MSANTD4: variants seen among roughly 807,000 people sequenced by gnomAD.
MSANTD4 encodes the protein myb/SANT-like DNA-binding domain-containing protein 4.
In MSANTD4, 13 loss-of-function variants were observed where a neutral mutation model predicts 34.3. The observed-to-expected ratio is 0.38, with a 90% CI of 0.25 to 0.60. The LOEUF (loss-of-function observed/expected upper bound fraction) is 0.60. MSANTD4 is among the 20% of genes least tolerant of loss of function. The pLI, the probability that MSANTD4 is intolerant of heterozygous loss-of-function variation, is 0.63. For synonymous variants in MSANTD4, 137 were observed against 145.2 expected, an observed-to-expected ratio of 0.94 and a Z score of 0.41; for missense variants, 358 against 401.8, an observed-to-expected ratio of 0.89 and a Z score of 0.93.
At chr11:106,020,434 G>A (rs1307002459) in intron 1 of MSANTD4, among the ~76,000 whole-genome samples, 2 of 152,132 alleles carry the variant, frequency 1.3e-5, no homozygotes, top group African/African-American at 2.4e-5. Flanking sequence ...TGGAAGAACT[G>A]TTACTGTAGT....
rs145920469 is a variant in MSANTD4 at position 106,020,324 on chromosome 11, G to A, written c.-151+638C>T. Among the ~76,000 whole-genome samples the A allele has an allele frequency of 1.3e-4, 20 of 152,288 alleles. No homozygotes were observed. The East Asian group carries it at 3.7e-3, about 28-fold the overall frequency. On this transcript the variant is annotated intron_variant, in intron 1 of 2. Transcript: ENST00000301919. ...TGCCAAGCAGCAAATCTTACTAAGC[G>A]AATTCTGGCTTAATAAGACTATTAT...
intron 1 of MSANTD4, among the ~76,000 whole-genome samples, chr11:106,018,116 G>A (rs185616280): frequency 1.8e-4 from 28 of 152,160 alleles, no homozygotes; most frequent in African/African-American, 6.0e-4. Flanking sequence ...AGTGATCCCA[G>A]TGAAGTAAAA....
At chr11:106,020,270 C>T (rs1859988561) in intron 1 of MSANTD4, among the ~76,000 whole-genome samples, 1 of 152,070 alleles carries the variant, frequency 6.6e-6, no homozygotes, top group Non-Finnish European at 1.5e-5. Context: ...AAAGAAGTAT[C>T]AGGAATTAAA....
intron 1 of MSANTD4, among the ~76,000 whole-genome samples, chr11:106,017,606 G>A (rs751756549): frequency 1.3e-5 from 2 of 152,050 alleles, no homozygotes; most frequent in African/African-American, 2.4e-5. Context: ...GCAATTTCTT[G>A]AAATTCTTTC....
intron 1 of MSANTD4, among the ~76,000 whole-genome samples, chr11:106,011,433 G>GA (rs1859686654): frequency 6.6e-6 from 1 of 152,108 alleles, no homozygotes; most frequent in African/African-American, 2.4e-5. Context: ...CTTCTGCCTG[G>GA]AAAATGGATT....
chr11:106,014,893 A>C (rs1859802410), intron 1 of MSANTD4, among the ~76,000 whole-genome samples: 1 of 151,928 alleles, frequency 6.6e-6, no homozygotes. Flanking sequence ...AACTCTCAAG[A>C]AATCACTGTC....
chr11:106,018,289 A>G (rs1219036137), intron 1 of MSANTD4, among the ~76,000 whole-genome samples: 3 of 152,176 alleles, frequency 2.0e-5, no homozygotes, highest in Non-Finnish European at 4.4e-5. Flanking sequence ...TTACAGTTAC[A>G]ACATACCTCA....
In MSANTD4 at chr11:106,010,558, A is replaced by T. The variant is rs749942254; in HGVS notation, c.360T>A (p.Asp120Glu). The change falls in exon 2 of 3, where the codon GAT becomes GAA. Residue 120 changes from aspartate to glutamate, a missense_variant. By Grantham distance (45) the Asp-to-Glu change is conservative (BLOSUM62 2). Coordinates refer to ENST00000301919, the MANE Select transcript of MSANTD4 (RefSeq NM_032424.3). ...CCACATTTTGCCAGTCAAAATTTGC[A>T]TCATTTCGGAATCCAATCTTTTCAT... ...EIDEKIGFRN[D>E]ANFDWQNVAD... The T allele has an allele frequency of 6.2e-7, 1 of 1,614,140 alleles. No individual in the cohort carries two copies. Among genetic ancestry groups the T allele is most frequent in the East Asian group, 2.2e-5 (1 of 44,874 alleles).
Position 106,011,053 on chromosome 11 carries a change from C to A in MSANTD4, c.-136G>T. 7.1e-7 allele frequency: 1 copy of A among 1,400,650 alleles called. No individual in the cohort carries two copies. The highest frequency in any genetic ancestry group is 2.5e-5 in the East Asian group (1 of 39,444). The allele number at this position is 1,400,650 out of a possible 1,614,324, so 86.8% of individuals were successfully genotyped here. ...GTCTTCCATTCATCTAGTGGCAAGG[C>A]AGTCTGGATAATTCCTAAAAGGAAA... On this transcript the variant is annotated 5_prime_UTR_variant, in exon 2 of 3. Transcript: ENST00000301919.
intron 1 of MSANTD4, 73 bp from the exon 2 acceptor site, chr11:106,011,140 T>A (rs751861622): frequency 5.9e-6 from 4 of 672,570 alleles, no homozygotes; most frequent in Non-Finnish European, 9.0e-6. Flanking sequence ...ATGAACTATA[T>A]AATTTTTAAG....
intron 1 of MSANTD4, among the ~76,000 whole-genome samples, chr11:106,020,528 G>C (rs147047051): frequency 2.0e-5 from 3 of 152,094 alleles, no homozygotes; most frequent in Non-Finnish European, 2.9e-5. Flanking sequence ...GATATCCACC[G>C]TAAGATTTTG....
Position 106,010,081 on chromosome 11 carries a change from C to A in MSANTD4, c.492G>T (p.Leu164Phe). The change falls in exon 3 of 3, where the codon TTG (leucine) becomes TTT (phenylalanine). Residue 164 changes from leucine (L) to phenylalanine (F), a missense_variant. By Grantham distance (22) the Leu-to-Phe change is conservative. Coordinates refer to ENST00000301919, the MANE Select transcript of MSANTD4 (RefSeq NM_032424.3). ...EFEIEEEEEM[L>F]SSVIPDSRRE... ...TCCTGGAATCTGGTATGACGGATGACAACATTTCTTCCTCCTCCTCAATTT... is the reference window on the plus strand; with the variant it reads ...TCCTGGAATCTGGTATGACGGATGAAAACATTTCTTCCTCCTCCTCAATTT... 1 of 1,577,068 alleles carries A rather than the reference C, an allele frequency of 6.3e-7. No individual in the cohort carries two copies. Among genetic ancestry groups the A allele is most frequent in the Non-Finnish European group, 8.6e-7 (1 of 1,169,078 alleles).
In MSANTD4 at chr11:106,009,575, TTCTC is replaced by T; in HGVS notation, c.994_997del (p.Glu332LysfsTer34). ...TTCTTTCTGAATTCGAAGTCTGTCT[TTCTC>T]TACCTGTAAGCGTTCCTTTTCAATC... On this transcript the variant is annotated frameshift_variant, in exon 3 of 3. Transcript: ENST00000301919. LOFTEE classifies it high-confidence loss of function. 2.5e-6 allele frequency: 4 copies of T among 1,611,618 alleles called. No homozygotes were observed. Among genetic ancestry groups the T allele is most frequent in the Non-Finnish European group, 3.4e-6 (4 of 1,178,688 alleles).
At chr11:106,017,769 G>C (rs1462532423) in intron 1 of MSANTD4, among the ~76,000 whole-genome samples, 1 of 152,150 alleles carries the variant, frequency 6.6e-6, no homozygotes, top group Non-Finnish European at 1.5e-5. Flanking sequence ...TGAAAACAGA[G>C]AAATGACGTG....
At chr11:106,016,212 AT>A (rs1380478340) in intron 1 of MSANTD4, among the ~76,000 whole-genome samples, 2 of 152,214 alleles carry the variant, frequency 1.3e-5, no homozygotes, top group Non-Finnish European at 2.9e-5. Flanking sequence ...CTGGCCTAAC[AT>A]TCCTATGTAA....
chr11:106,017,413 A>C (rs962180533), intron 1 of MSANTD4, among the ~76,000 whole-genome samples: 6 of 152,194 alleles, frequency 3.9e-5, no homozygotes, highest in Non-Finnish European at 8.8e-5. Flanking sequence ...ATTTTATTTT[A>C]CTTTGAGGTG....
chr11:106,019,860 A>G (rs756388920), intron 1 of MSANTD4, among the ~76,000 whole-genome samples: 2 of 152,242 alleles, frequency 1.3e-5, no homozygotes, highest in African/African-American at 2.4e-5. Context: ...CTGTATGCCA[A>G]TTCCACCACT....
intron 1 of MSANTD4, among the ~76,000 whole-genome samples, chr11:106,015,144 T>C (rs1240148568): frequency 1.3e-5 from 2 of 152,090 alleles, no homozygotes; most frequent in African/African-American, 2.4e-5. Flanking sequence ...TATAAGCAAA[T>C]AATATAAGCA....
At chr11:106,013,813 G>A (rs1033219240) in intron 1 of MSANTD4, among the ~76,000 whole-genome samples, 3 of 152,240 alleles carry the variant, frequency 2.0e-5, no homozygotes, top group African/African-American at 4.8e-5. Flanking sequence ...AGTGAGCCGA[G>A]ATTGTGCCAC....
Sources: allele counts gnomAD v4.1 joint callset (sites outside exome capture counted in the v4.1 genomes callset), GRCh38; gene constraint gnomAD v4.1.1; transcripts MANE v1.5; gene names NCBI Gene and HGNC (gene_info 2026-07-23, HGNC 2026-07-21).